NTNG1: variants seen among roughly 807,000 people sequenced by gnomAD.
The protein encoded by NTNG1 is netrin-G1.
A neutral mutation model predicts 54.0 loss-of-function variants in NTNG1; 16 were observed. The observed-to-expected ratio is 0.30, with a 90% CI of 0.20 to 0.45. NTNG1 has a LOEUF of 0.45. Ranked by LOEUF, NTNG1 falls within the 20% of genes least tolerant of loss-of-function variation. The pLI is 1.00. For missense variants in NTNG1, 530 were observed against 678.7 expected (o/e 0.78, Z 2.43); for synonymous variants, 255 against 263.1 (o/e 0.97, Z 0.30).
rs144112177 is a variant in NTNG1 at position 107,227,401 on chromosome 1, G to C, written c.246+78562G>C. ...AACCTTGAGCTGGAGGATGCTGTGA[G>C]TAGTAAGCACTTGGGTTTATTCAGG... On this transcript the variant is annotated intron_variant, in intron 2 of 7. Coordinates refer to ENST00000370068, the MANE Select transcript of NTNG1 (RefSeq NM_001113226.3). Among the ~76,000 whole-genome samples the C allele has an allele frequency of 6.6e-4, 101 of 152,194 alleles. 1 individual carries two copies. In the East Asian group the frequency reaches 0.019, roughly 28 times the overall value.
intron 7 of NTNG1, among the ~76,000 whole-genome samples, chr1:107,456,663 T>A (rs1225304770): frequency 6.6e-6 from 1 of 150,850 alleles, no homozygotes; most frequent in Admixed American, 6.6e-5. Flanking sequence ...TGAAAGTAGG[T>A]TAAAGTATTG....
Position 107,264,448 on chromosome 1 carries a change from C to T in NTNG1, c.247-59834C>T, listed in dbSNP as rs182790128. Among the ~76,000 whole-genome samples the T allele has an allele frequency of 2.6e-5, 4 of 152,294 alleles. No individual in the cohort carries two copies. In the East Asian group the frequency reaches 5.8e-4, roughly 22 times the overall value. On this transcript the variant is annotated intron_variant, in intron 2 of 7. Coordinates refer to ENST00000370068, the MANE Select transcript of NTNG1 (RefSeq NM_001113226.3). ...AAGCCATCTGGCTACAGAGTGAAAT[C>T]CTTCACAATCTTATGACAATCTATG...
At chr1:107,386,163 A>AT (rs1418690291) in intron 3 of NTNG1, among the ~76,000 whole-genome samples, 21 of 73,788 alleles carry the variant, frequency 2.8e-4, no homozygotes, top group South Asian at 1.7e-3. Flanking sequence ...ATATATATAT[A>AT]TATTTTTTTT....
intron 7 of NTNG1, 33 bp from the exon 8 acceptor site, chr1:107,480,578 C>CCCCCCCCCCCCACCAA: frequency 1.7e-6 from 1 of 577,312 alleles, no homozygotes; most frequent in East Asian, 2.8e-5. Flanking sequence ...CTCCCCGCGC[C>CCCCCCCCCCCCACCAA]CACCCACCCC....
At chr1:107,411,663 A>G (rs1310515213) in intron 5 of NTNG1, among the ~76,000 whole-genome samples, 8 of 152,152 alleles carry the variant, frequency 5.3e-5, no homozygotes, top group Non-Finnish European at 1.5e-5. Context: ...CCTTTAACTA[A>G]TTAGGTTTTA....
chr1:107,160,370 A>G (rs1349241321), intron 2 of NTNG1, among the ~76,000 whole-genome samples: 6 of 152,116 alleles, frequency 3.9e-5, no homozygotes, highest in Admixed American at 2.6e-4. Flanking sequence ...TATATTGCAA[A>G]TCCAACCACT....
chr1:107,388,695 G>A (rs749556389), intron 3 of NTNG1, among the ~76,000 whole-genome samples: 1 of 152,168 alleles, frequency 6.6e-6, no homozygotes, highest in African/African-American at 2.4e-5. Context: ...GGCAAAGGAG[G>A]GATTTGAACT....
intron 7 of NTNG1, among the ~76,000 whole-genome samples, chr1:107,463,052 C>G (rs1677376402): frequency 6.6e-6 from 1 of 152,232 alleles, no homozygotes; most frequent in South Asian, 2.1e-4. Context: ...CACTATCAAA[C>G]AAACCAGGAA....
At position 107,480,614 on chromosome 1, in the gene NTNG1, A is replaced by G. The variant is rs1168261994; in HGVS notation, c.1394A>G (p.Asn465Ser). 5.6e-6 allele frequency: 7 copies of G among 1,240,112 alleles called. No individual in the cohort carries two copies. The highest frequency in any genetic ancestry group is 7.6e-6 in the Non-Finnish European group (7 of 923,030). 76.8% of individuals were successfully genotyped at this position (1,240,112 alleles called of 1,614,324 possible). ...GNSWHYGCQP[N>S]VCDNELLHCQ... ...TACCTTCCCCCTCATTCTGCAGCGA[A>G]TGTCTGCGACAACGAGCTCCTGCAC... Residue 465 changes from asparagine to serine, a missense_variant, in exon 8 of 8, where the codon AAT becomes AGT. Transcript: ENST00000370068.
intron 3 of NTNG1, among the ~76,000 whole-genome samples, chr1:107,376,299 T>A (rs1297753661): frequency 2.0e-5 from 3 of 151,832 alleles, no homozygotes. Context: ...TCCCAGCTAC[T>A]CGGGAGGCTG....
At chr1:107,473,879 A>T (rs1357030874) in intron 7 of NTNG1, among the ~76,000 whole-genome samples, 1 of 152,202 alleles carries the variant, frequency 6.6e-6, no homozygotes, top group Admixed American at 6.5e-5. Context: ...CTCTGTTTGA[A>T]TCTAACATTA....
chr1:107,339,143 A>G (rs901090740), intron 3 of NTNG1, among the ~76,000 whole-genome samples: 1 of 152,134 alleles, frequency 6.6e-6, no homozygotes, highest in Non-Finnish European at 1.5e-5. Flanking sequence ...AGGATGCAGC[A>G]CATAACCCTT....
intron 7 of NTNG1, among the ~76,000 whole-genome samples, chr1:107,443,384 T>C (rs541976326): frequency 8.3e-6 from 1 of 120,298 alleles, no homozygotes; most frequent in South Asian, 3.4e-4. Context: ...TTACTATAGT[T>C]CAGGAGGTTT....
At chr1:107,363,444 G>T (rs1670407128) in intron 3 of NTNG1, among the ~76,000 whole-genome samples, 1 of 152,110 alleles carries the variant, frequency 6.6e-6, no homozygotes, top group African/African-American at 2.4e-5. Flanking sequence ...GATTTAATCT[G>T]CAATATAACT....
chr1:107,368,897 T>C (rs550048429), intron 3 of NTNG1, among the ~76,000 whole-genome samples: 3 of 152,336 alleles, frequency 2.0e-5, no homozygotes, highest in Admixed American at 6.5e-5. Context: ...TTTTGACTTA[T>C]GTATACATCC....
intron 2 of NTNG1, among the ~76,000 whole-genome samples, chr1:107,186,718 A>G (rs12139280): frequency 0.053 from 8,038 of 152,148 alleles, 229 homozygotes; most frequent in African/African-American, 0.081. Flanking sequence ...CTCTTTATTC[A>G]GGTCTTTATG....
rs1466097862 is a variant in NTNG1 at position 107,481,897 on chromosome 1, A to G, written c.*1057A>G. ...TGCAATTTCTTAAGATGAAAGGAAC[A>G]GCCACCAAGCAGTTTCACACTCACT... On this transcript the variant is annotated 3_prime_UTR_variant, in exon 8 of 8. Coordinates refer to ENST00000370068, the MANE Select transcript of NTNG1 (RefSeq NM_001113226.3). The G allele has an allele frequency of 6.6e-6, 1 of 152,480 alleles. No homozygotes were observed. The highest frequency in any genetic ancestry group is 2.4e-5 in the African/African-American group (1 of 41,452). The allele number at this position is 152,480 out of a possible 1,614,324, so 9.4% of individuals were successfully genotyped here. A position where few individuals can be genotyped will look rare whatever the true frequency, so the allele number is the denominator to read the frequency against.
At chr1:107,291,884 CTA>C (rs1665627120) in intron 2 of NTNG1, among the ~76,000 whole-genome samples, 1 of 151,976 alleles carries the variant, frequency 6.6e-6, no homozygotes. Flanking sequence ...AAATGACAAA[CTA>C]GAGACATTTT....
At chr1:107,413,404 G>A (rs1198351195) in intron 5 of NTNG1, among the ~76,000 whole-genome samples, 3 of 151,818 alleles carry the variant, frequency 2.0e-5, no homozygotes, top group Non-Finnish European at 4.4e-5. Context: ...TTCTTTCTGG[G>A]CATCAATAAT....
Sources: gnomAD v4.1 joint callset for allele counts (sites outside exome capture counted in the v4.1 genomes callset) on GRCh38, gnomAD v4.1.1 for gene constraint, MANE v1.5 for transcripts, NCBI Gene and HGNC (gene_info 2026-07-23, HGNC 2026-07-21) for gene names.